SNX33: variants seen among roughly 807,000 people sequenced by gnomAD.
The protein encoded by SNX33 is sorting nexin-33.
Under a neutral mutation model 38.8 loss-of-function variants are expected in SNX33, and 19 were observed. That is an observed-to-expected ratio of 0.49 (90% confidence interval 0.34 to 0.72). The LOEUF (loss-of-function observed/expected upper bound fraction) is 0.72, where lower values mean the gene tolerates loss of function less well. Among genes scored for constraint, SNX33 ranks in the 30% least tolerant of loss-of-function variants. The pLI is 0.01. For synonymous variants in SNX33, 246 were observed against 289.7 expected (o/e 0.85, Z 1.53); for missense variants, 641 against 776.4 (o/e 0.83, Z 2.07).
rs1893568057 is a variant in SNX33, at chr15:75,650,661, G to A, written c.1471+88G>A. The A allele has an allele frequency of 6.9e-7, 1 of 1,439,568 alleles. No individual in the cohort carries two copies. Among genetic ancestry groups the A allele is most frequent in the Non-Finnish European group, 9.3e-7 (1 of 1,079,608 alleles). 89.2% of individuals were successfully genotyped at this position (1,439,568 alleles called of 1,614,324 possible). ...ATGGGGATGGCCTGGATAGAATGGA[G>A]CAACTTGTCTTTATTTCTCTGTCTC... On this transcript the variant is annotated intron_variant, in intron 1 of 1. Coordinates refer to ENST00000308527, the MANE Select transcript of SNX33 (RefSeq NM_153271.2). The surrounding 1 kb of genome is among the most constrained non-coding windows in gnomAD (Gnocchi z 6.1).
chr15:75,657,257 C>T lies in SNX33; in HGVS notation c.*42C>T, dbSNP rs762266847. On this transcript the variant is annotated 3_prime_UTR_variant, in exon 2 of 2. Coordinates refer to ENST00000308527, the MANE Select transcript of SNX33 (RefSeq NM_153271.2). The surrounding 1 kb of genome is among the most constrained non-coding windows in gnomAD (Gnocchi z 5.5). Reference sequence around the variant, plus strand: ...CCCCTCCTTCCCCTGGGCCTGGTCACTGCAGTGTACCCCACTTTCCCGACC... The same window carrying T: ...CCCCTCCTTCCCCTGGGCCTGGTCATTGCAGTGTACCCCACTTTCCCGACC... 4.4e-5 allele frequency: 71 copies of T among 1,608,880 alleles called. No homozygotes were observed. Among genetic ancestry groups the T allele is most frequent in the Non-Finnish European group, 5.9e-5 (69 of 1,176,886 alleles).
At chr15:75,656,855 A>G (rs1416172354) in intron 1 of SNX33, 107 bp from the exon 2 acceptor site, 14 of 1,480,844 alleles carry the variant, frequency 9.5e-6, no homozygotes, top group Non-Finnish European at 1.3e-5. Context: ...GGGGCTCAGG[A>G]ATGACGTCCG....
chr15:75,653,937 CA>C (rs1048029393), intron 1 of SNX33, among the ~76,000 whole-genome samples: 1 of 151,562 alleles, frequency 6.6e-6, no homozygotes, highest in Non-Finnish European at 1.5e-5. Context: ...ACTAAAAATA[CA>C]AAAAAATAGC....
rs547967433 is a variant in SNX33 at position 75,661,435 on chromosome 15, G to A, written c.*4220G>A. The A allele has an allele frequency of 6.6e-6, 1 of 152,184 alleles. No homozygotes were observed. Among genetic ancestry groups the A allele is most frequent in the African/African-American group, 2.4e-5 (1 of 41,494 alleles). 9.4% of individuals were successfully genotyped at this position (152,184 alleles called of 1,614,324 possible). A position where few individuals can be genotyped will look rare whatever the true frequency, so the allele number is the denominator to read the frequency against. The stretch of plus-strand genomic sequence containing the variant: ...GGGGCAGGAGAAGACGGTGAGCCCT[G>A]GTAGGAAGACCATGGGGAAAAATCA... On this transcript the variant is annotated 3_prime_UTR_variant, in exon 2 of 2. Transcript: ENST00000308527. The surrounding 1 kb of genome is among the most constrained non-coding windows in gnomAD (Gnocchi z 4.5).
rs1596001486 is a variant in SNX33 at position 75,661,758 on chromosome 15, C to T, written c.*4543C>T. On this transcript the variant is annotated 3_prime_UTR_variant, in exon 2 of 2. Transcript: ENST00000308527. This position sits in a 1 kb window ranked among gnomAD's most constrained non-coding sequence, Gnocchi z 4.5. ...AATCTCTGGCGGGGCTGGACTCAAACCCAGCTCCCTGCCATCACTCCTTAG... is the reference window on the plus strand; with the variant it reads ...AATCTCTGGCGGGGCTGGACTCAAATCCAGCTCCCTGCCATCACTCCTTAG... 6.6e-6 allele frequency: 1 copy of T among 152,140 alleles called. No homozygotes were observed. The highest frequency in any genetic ancestry group is 2.4e-5 in the African/African-American group (1 of 41,420). The allele number at this position is 152,140 out of a possible 1,614,324, so 9.4% of individuals were successfully genotyped here.
At chr15:75,656,388 G>A (rs1893652453) in intron 1 of SNX33, among the ~76,000 whole-genome samples, 1 of 152,188 alleles carries the variant, frequency 6.6e-6, no homozygotes, top group South Asian at 2.1e-4. Flanking sequence ...ATGCGTGCAG[G>A]GGCCAACTCC....
intron 1 of SNX33, among the ~76,000 whole-genome samples, 163 bp from the exon 2 acceptor site, chr15:75,656,798 TG>T (rs1229473474): frequency 2.0e-5 from 3 of 152,104 alleles, no homozygotes; most frequent in African/African-American, 4.8e-5. Context: ...GGTGATGGCT[TG>T]GGTAACATCC....
Position 75,648,218 on chromosome 15 carries a change from A to G in SNX33, c.-885A>G, listed in dbSNP as rs780308950. The stretch of plus-strand genomic sequence containing the variant: ...TGGGATTCAGAGCAGGGTCAGCGTC[A>G]GGCTCAGAAACTGCTGAGGAATTAG... On this transcript the variant is annotated 5_prime_UTR_variant, in exon 1 of 2. Coordinates refer to ENST00000308527, the MANE Select transcript of SNX33 (RefSeq NM_153271.2). The surrounding 1 kb of genome is among the most constrained non-coding windows in gnomAD (Gnocchi z 4.4). 1.9e-5 allele frequency: 19 copies of G among 985,478 alleles called. No individual in the cohort carries two copies. Among genetic ancestry groups the G allele is most frequent in the Non-Finnish European group, 2.3e-5 (19 of 829,954 alleles). 61.0% of individuals were successfully genotyped at this position (985,478 alleles called of 1,614,324 possible).
At position 75,648,104 on chromosome 15, in the gene SNX33, G is replaced by A; in HGVS notation, c.-999G>A. ...CTCTCCAAACTCCAAACTGTTGAGT[G>A]TGTGCGTGCACGCGAGGGTGGTGAT... is the stretch of plus-strand genomic sequence containing the variant. On this transcript the variant is annotated 5_prime_UTR_variant, in exon 1 of 2. The change creates a new upstream start codon in the 5' untranslated region. Transcript: ENST00000308527. The surrounding 1 kb of genome is among the most constrained non-coding windows in gnomAD (Gnocchi z 4.4). 1 of 985,522 alleles carries A rather than the reference G, an allele frequency of 1.0e-6. No homozygotes were observed. Among genetic ancestry groups the A allele is most frequent in the Non-Finnish European group, 1.2e-6 (1 of 829,982 alleles). 61.0% of individuals were successfully genotyped at this position (985,522 alleles called of 1,614,324 possible).
In SNX33 at chr15:75,657,455, C is replaced by T. The variant is rs1893668882; in HGVS notation, c.*240C>T. ...GAATAGAGTCAGGAGCCCTCGAGGC[C>T]AAGGCCTGGGCTGCCGGTCAGTCAG... On this transcript the variant is annotated 3_prime_UTR_variant, in exon 2 of 2. Coordinates refer to ENST00000308527, the MANE Select transcript of SNX33 (RefSeq NM_153271.2). The surrounding 1 kb of genome is among the most constrained non-coding windows in gnomAD (Gnocchi z 5.5). 3 of 647,494 alleles carry T rather than the reference C, an allele frequency of 4.6e-6. No homozygotes were observed. Among genetic ancestry groups the T allele is most frequent in the South Asian group, 2.0e-5 (1 of 50,538 alleles). 40.1% of individuals were successfully genotyped at this position (647,494 alleles called of 1,614,324 possible).
In SNX33 at chr15:75,656,727, G is replaced by A. The variant is rs1893656150; in HGVS notation, c.1472-235G>A. ...CAGGGCTGTGACTGGTCACATGTGG[G>A]CTACTGGTGGCACTGCACATTTGGA... On this transcript the variant is annotated intron_variant, in intron 1 of 1. Transcript: ENST00000308527. Among the ~76,000 whole-genome samples the A allele has an allele frequency of 2.0e-5, 3 of 152,264 alleles. 1 individual carries two copies. The South Asian group carries it at 6.2e-4, about 32-fold the overall frequency.
chr15:75,655,866 T>C lies in SNX33; in HGVS notation c.1472-1096T>C, dbSNP rs74982203. ...AATCTTCTTTGTATGGTGGATTCTCTGCAGCCCTCGGCGACTGAGTGCCAG... is the reference window on the plus strand; with the variant it reads ...AATCTTCTTTGTATGGTGGATTCTCCGCAGCCCTCGGCGACTGAGTGCCAG... On this transcript the variant is annotated intron_variant, in intron 1 of 1. Transcript: ENST00000308527. Among the ~76,000 whole-genome samples, 1,075 of 152,322 alleles carry C rather than the reference T, an allele frequency of 7.1e-3. 39 individuals carry two copies. The East Asian group carries it at 0.11, about 15-fold the overall frequency.
At chr15:75,656,912 A>T (rs772316077) in intron 1 of SNX33, 50 bp from the exon 2 acceptor site, 15 of 1,586,974 alleles carry the variant, frequency 9.5e-6, no homozygotes, top group Non-Finnish European at 1.3e-5. Context: ...TACAGGGAGC[A>T]CATGGAGATC....
chr15:75,650,686 C>T lies in SNX33; in HGVS notation c.1471+113C>T. 2 of 1,354,700 alleles carry T rather than the reference C, an allele frequency of 1.5e-6. No homozygotes were observed. The highest frequency in any genetic ancestry group is 2.0e-6 in the Non-Finnish European group (2 of 1,015,142). 83.9% of individuals were successfully genotyped at this position (1,354,700 alleles called of 1,614,324 possible). A position where few individuals can be genotyped will look rare whatever the true frequency, so the allele number is the denominator to read the frequency against. On this transcript the variant is annotated intron_variant, in intron 1 of 1. Transcript: ENST00000308527. The surrounding 1 kb of genome is among the most constrained non-coding windows in gnomAD (Gnocchi z 6.1). ...GCAACTTGTCTTTATTTCTCTGTCTCAATCATTCATTTAACAAATGTGTTG... is the reference window on the plus strand; with the variant it reads ...GCAACTTGTCTTTATTTCTCTGTCTTAATCATTCATTTAACAAATGTGTTG...
Position 75,650,795 on chromosome 15 carries a change from A to G in SNX33, c.1471+222A>G, listed in dbSNP as rs1893569787. On this transcript the variant is annotated intron_variant, in intron 1 of 1. Transcript: ENST00000308527. The surrounding 1 kb of genome is among the most constrained non-coding windows in gnomAD (Gnocchi z 6.1). ...GATCACTTGGGCCCAGGAGGTTGAG[A>G]CTACAGTGAGCCCGATTGTGCCACT... 6.6e-6 allele frequency among the ~76,000 whole-genome samples: 1 copy of G among 152,130 alleles called. No individual in the cohort carries two copies. Among genetic ancestry groups the G allele is most frequent in the Non-Finnish European group, 1.5e-5 (1 of 68,024 alleles).
chr15:75,651,166 G>C (rs1306561699), intron 1 of SNX33, among the ~76,000 whole-genome samples: 2 of 152,214 alleles, frequency 1.3e-5, no homozygotes, highest in Non-Finnish European at 2.9e-5. Flanking sequence ...CTCAGAGTGG[G>C]GGCCTGTCTT....
chr15:75,657,303 G>T lies in SNX33; in HGVS notation c.*88G>T. 8 of 1,570,626 alleles carry T rather than the reference G, an allele frequency of 5.1e-6. No homozygotes were observed. The highest frequency in any genetic ancestry group is 6.1e-6 in the Non-Finnish European group (7 of 1,156,758). ...CGACCTCCCTATACCAGCAGTGACTGGGGGAGGGGTCAGCGGTGGGGGAGA... is the reference window on the plus strand; with the variant it reads ...CGACCTCCCTATACCAGCAGTGACTTGGGGAGGGGTCAGCGGTGGGGGAGA... On this transcript the variant is annotated 3_prime_UTR_variant, in exon 2 of 2. Transcript: ENST00000308527. This position sits in a 1 kb window ranked among gnomAD's most constrained non-coding sequence, Gnocchi z 5.5.
At chr15:75,651,112 C>T (rs1456823313) in intron 1 of SNX33, among the ~76,000 whole-genome samples, 4 of 152,174 alleles carry the variant, frequency 2.6e-5, no homozygotes, top group Non-Finnish European at 4.4e-5. Context: ...CTTGAGGAGC[C>T]GGTAGGCCCT....
At chr15:75,651,180 C>T (rs1893575526) in intron 1 of SNX33, among the ~76,000 whole-genome samples, 1 of 152,206 alleles carries the variant, frequency 6.6e-6, no homozygotes, top group Non-Finnish European at 1.5e-5. Flanking sequence ...CTGTCTTGTG[C>T]TCCTTGCAAG....
Sources: allele counts gnomAD v4.1 joint callset (sites outside exome capture counted in the v4.1 genomes callset), GRCh38; gene constraint gnomAD v4.1.1; non-coding constraint Gnocchi (gnomAD v3.1); transcripts MANE v1.5; gene names NCBI Gene and HGNC (gene_info 2026-07-23, HGNC 2026-07-21).